ANO3: variants seen among roughly 807,000 people sequenced by gnomAD.
ANO3 encodes the protein anoctamin-3.
In ANO3, 99 loss-of-function variants were observed where a neutral mutation model predicts 144.8. The observed-to-expected ratio is 0.68, with a 90% CI of 0.58 to 0.81. The LOEUF (loss-of-function observed/expected upper bound fraction) is 0.81. ANO3 is among the 30% of genes least tolerant of loss of function. ANO3 has a pLI of 0.00. For missense variants in ANO3, 905 were observed against 1,202.2 expected (o/e 0.75, Z 3.66); for synonymous variants, 414 against 392.6 (o/e 1.05, Z -0.64).
At chr11:26,410,166 G>A (rs564639774) in intron 1 of ANO3, among the ~76,000 whole-genome samples, 13 of 151,884 alleles carry the variant, frequency 8.6e-5, no homozygotes, top group South Asian at 2.1e-4. Flanking sequence ...TATATATATC[G>A]AGTGCCTACT....
intron 17 of ANO3, among the ~76,000 whole-genome samples, chr11:26,621,940 C>T (rs559788371): frequency 7.9e-5 from 12 of 152,266 alleles, no homozygotes; most frequent in Middle Eastern, 6.8e-3. Flanking sequence ...GTACTCATTC[C>T]ACTTTACACA....
At chr11:26,189,506 A>G (rs563672443) in intron 1 of ANO3, among the ~76,000 whole-genome samples, 56 of 152,330 alleles carry the variant, frequency 3.7e-4, no homozygotes, top group African/African-American at 1.3e-3. Flanking sequence ...TTTGAAATAA[A>G]AAATAGAGGG....
upstream of ANO3, chr11:26,332,025 G>C: frequency 8.5e-7 from 1 of 1,176,360 alleles, no homozygotes; most frequent in South Asian, 1.6e-5. Context: ...GGCACTGGAC[G>C]CGCGGGGGAT....
intron 13 of ANO3, 93 bp downstream of exon 13, chr11:26,553,438 G>T: frequency 1.3e-6 from 1 of 781,520 alleles, no homozygotes; most frequent in Non-Finnish European, 2.1e-6. Context: ...CCAAAGTTAA[G>T]TGTTCTCAAG....
At chr11:26,521,200 T>G (rs1281980556) in intron 6 of ANO3, among the ~76,000 whole-genome samples, 6 of 152,110 alleles carry the variant, frequency 3.9e-5, no homozygotes, top group Admixed American at 3.9e-4. Flanking sequence ...TGTTAGCATA[T>G]TCAAGAACAA....
chr11:26,457,585 A>T (rs1166780837), intron 3 of ANO3, among the ~76,000 whole-genome samples: 1 of 152,120 alleles, frequency 6.6e-6, no homozygotes, highest in African/African-American at 2.4e-5. Context: ...TAATCCTTGG[A>T]AATATTCTAT....
intron 1 of ANO3, among the ~76,000 whole-genome samples, chr11:26,336,024 A>G (rs2133893547): frequency 6.6e-6 from 1 of 152,284 alleles, no homozygotes; most frequent in South Asian, 2.1e-4. Flanking sequence ...TGATGTCCCA[A>G]GGGTAAATTG....
intron 3 of ANO3, among the ~76,000 whole-genome samples, chr11:26,451,420 A>C (rs1858932016): frequency 6.6e-6 from 1 of 152,188 alleles, no homozygotes; most frequent in South Asian, 2.1e-4. Flanking sequence ...AAAACGGCAC[A>C]CCAGGAGATT....
rs77675868 is a variant in ANO3 at position 26,249,234 on chromosome 11, C to T, written c.154+59904C>T. 4.3e-3 allele frequency among the ~76,000 whole-genome samples: 654 copies of T among 152,158 alleles called. 5 individuals are homozygous for T. The highest frequency in any genetic ancestry group is 0.015 in the African/African-American group (624 of 41,500). On this transcript the variant is annotated intron_variant, in intron 1 of 27. Coordinates refer to the ANO3 transcript ENST00000672621. ...AACAAGACCCGCTTAATGTAGACAT[C>T]CTTCAGTAACAGTGTATACCAGCAG...
chr11:26,458,903 T>C (rs1859265977), intron 3 of ANO3, among the ~76,000 whole-genome samples: 1 of 152,140 alleles, frequency 6.6e-6, no homozygotes, highest in Admixed American at 6.6e-5. Context: ...GTGTGTTTTA[T>C]CATTTGATGT....
intron 3 of ANO3, among the ~76,000 whole-genome samples, chr11:26,446,222 T>C (rs1858698281): frequency 1.3e-5 from 2 of 152,220 alleles, no homozygotes; most frequent in African/African-American, 4.8e-5. Flanking sequence ...ATGTCAAATA[T>C]ACCAAGAGTA....
chr11:26,220,993 G>T (rs1852131924), intron 1 of ANO3, among the ~76,000 whole-genome samples: 1 of 152,180 alleles, frequency 6.6e-6, no homozygotes, highest in Non-Finnish European at 1.5e-5. Flanking sequence ...GCTCATTCAA[G>T]AGTATAGATC....
intron 9 of ANO3, among the ~76,000 whole-genome samples, chr11:26,536,602 T>A (rs1294002483): frequency 6.6e-6 from 1 of 152,054 alleles, no homozygotes; most frequent in South Asian, 2.1e-4. Flanking sequence ...TCTTAGCGTT[T>A]ATAATTTTCA....
intron 24 of ANO3, 120 bp from the exon 25 acceptor site, chr11:26,656,005 A>G (rs1853675773): frequency 1.3e-6 from 1 of 796,812 alleles, no homozygotes; most frequent in Non-Finnish European, 2.0e-6. Flanking sequence ...TTGGTTGCTA[A>G]AAGTTTATCA....
At position 26,396,660 on chromosome 11, in the gene ANO3, G is replaced by A. The variant is rs185619543; in HGVS notation, c.47-45258G>A. 1.4e-4 allele frequency among the ~76,000 whole-genome samples: 21 copies of A among 152,182 alleles called. No individual in the cohort carries two copies. The East Asian group carries it at 4.1e-3, about 29-fold the overall frequency. ...CTTTGCAGGTACATGAATGAAGCTGGAAACCATCATTCTCAGCAAACTAAC... is the reference window on the plus strand; with the variant it reads ...CTTTGCAGGTACATGAATGAAGCTGAAAACCATCATTCTCAGCAAACTAAC... On this transcript the variant is annotated intron_variant, in intron 1 of 26. Transcript: ENST00000256737.
At chr11:26,483,918 G>T (rs1357198219) in intron 4 of ANO3, among the ~76,000 whole-genome samples, 1 of 152,190 alleles carries the variant, frequency 6.6e-6, no homozygotes. Flanking sequence ...AGCTGAGGAG[G>T]TCTCAGATGG....
intron 4 of ANO3, among the ~76,000 whole-genome samples, chr11:26,495,398 G>A (rs1467794279): frequency 1.3e-5 from 2 of 151,620 alleles, no homozygotes; most frequent in Non-Finnish European, 2.9e-5. Flanking sequence ...CATGAGCCAT[G>A]GCACCTGGCC....
chr11:26,649,180 C>T (rs970348349), intron 24 of ANO3, among the ~76,000 whole-genome samples: 13 of 151,960 alleles, frequency 8.6e-5, no homozygotes, highest in African/African-American at 2.4e-4. Context: ...AAAAACAAAA[C>T]GAGACTATAA....
rs909929908 is a variant in ANO3, at chr11:26,368,529, A to G, written c.46+36208A>G. Among the ~76,000 whole-genome samples, 13 of 152,190 alleles carry G rather than the reference A, an allele frequency of 8.5e-5. No homozygotes were observed. In the East Asian group the frequency reaches 2.3e-3, roughly 27 times the overall value. ...AATAATAGTACCTTTGACCAGTGCC[A>G]TATGTGTAAGGAAAGGAAGGAAGAT... On this transcript the variant is annotated intron_variant, in intron 1 of 26. Coordinates refer to ENST00000256737, the MANE Select transcript of ANO3 (RefSeq NM_031418.4).
Sources: gnomAD v4.1 joint callset for allele counts (sites outside exome capture counted in the v4.1 genomes callset) on GRCh38, gnomAD v4.1.1 for gene constraint, MANE v1.5 for transcripts, NCBI Gene and HGNC (gene_info 2026-07-23, HGNC 2026-07-21) for gene names.